Variants in CADM1 observed in about 807,000 individuals in gnomAD.
CADM1 encodes TSLC-1.
In CADM1, 15 loss-of-function variants were observed where a neutral mutation model predicts 53.1. The ratio of observed to expected loss-of-function variants is 0.28; its 90% CI spans 0.19 to 0.44. CADM1 has a LOEUF of 0.44. Ranked by LOEUF, CADM1 falls within the 20% of genes least tolerant of loss-of-function variation. The pLI is 1.00. For synonymous variants in CADM1, 281 were observed against 243.0 expected, an observed-to-expected ratio of 1.16 and a Z score of -1.45; for missense variants, 434 against 611.3, an observed-to-expected ratio of 0.71 and a Z score of 3.06.
At chr11:115,178,986 A>G in intron 10 of CADM1, 1 of 604,928 alleles carries the variant, frequency 1.7e-6, no homozygotes. Context: ...ATTTCATGAT[A>G]AGCAGCATAG....
chr11:115,417,376 C>T (rs1272940340), intron 1 of CADM1, among the ~76,000 whole-genome samples: 1 of 152,230 alleles, frequency 6.6e-6, no homozygotes, highest in African/African-American at 2.4e-5. Flanking sequence ...TCCTTATCCT[C>T]AGTGGATAAC....
intron 1 of CADM1, among the ~76,000 whole-genome samples, chr11:115,267,928 G>C (rs1943190587): frequency 6.6e-6 from 1 of 152,070 alleles, no homozygotes; most frequent in Non-Finnish European, 1.5e-5. Context: ...GAATGAAAGT[G>C]AGTAAATAGG....
Position 115,322,660 on chromosome 11 carries a change from T to C in CADM1, c.125-82240A>G, listed in dbSNP as rs563699739. ...TGGAGATTTCACATAAATGAAATCA[T>C]AAAATATGTGGCCTTTGGGCTTCTT... On this transcript the variant is annotated intron_variant, in intron 1 of 11. Transcript: ENST00000331581. 2.6e-5 allele frequency among the ~76,000 whole-genome samples: 4 copies of C among 152,328 alleles called. No homozygotes were observed. The South Asian group carries it at 8.3e-4, about 32-fold the overall frequency.
At chr11:115,441,469 C>CA (rs1472924240) in intron 1 of CADM1, among the ~76,000 whole-genome samples, 1 of 152,130 alleles carries the variant, frequency 6.6e-6, no homozygotes, top group African/African-American at 2.4e-5. Flanking sequence ...TGTGGAACTG[C>CA]AAAAACACTG....
rs1944030802 is a variant in CADM1, at chr11:115,295,509, TATATATATATA to T, written c.125-55100_125-55090del. 8.3e-3 allele frequency among the ~76,000 whole-genome samples: 231 copies of T among 27,926 alleles called. 9 individuals carry two copies. The highest frequency in any genetic ancestry group is 0.034 in the African/African-American group (169 of 4,946). The allele number at this position is 27,926 out of a possible 152,430, so 18.3% of individuals were successfully genotyped here. A position where few individuals can be genotyped will look rare whatever the true frequency, so the allele number is the denominator to read the frequency against. On this transcript the variant is annotated intron_variant, in intron 1 of 11. Coordinates refer to ENST00000331581, the MANE Select transcript of CADM1 (RefSeq NM_001301043.2). ...TATATGCTTTGATCAAGATATTTTA[TATATATATATA>T]TATATATATATATATATATATATAT...
chr11:115,496,726 C>A (rs987864739), intron 1 of CADM1, among the ~76,000 whole-genome samples: 1 of 152,058 alleles, frequency 6.6e-6, no homozygotes, highest in Non-Finnish European at 1.5e-5. Context: ...TTGGAGAGGG[C>A]ACTGATGTTT....
At chr11:115,417,928 G>A (rs1358954761) in intron 1 of CADM1, among the ~76,000 whole-genome samples, 1 of 152,088 alleles carries the variant, frequency 6.6e-6, no homozygotes, top group Non-Finnish European at 1.5e-5. Flanking sequence ...TAGTGAAGAT[G>A]CATTTATCCT....
intron 6 of CADM1, among the ~76,000 whole-genome samples, chr11:115,216,104 T>G (rs1358277261): frequency 2.6e-5 from 4 of 152,188 alleles, no homozygotes; most frequent in Non-Finnish European, 5.9e-5. Flanking sequence ...GCTGAAACAA[T>G]CAGTAGGGGT....
At chr11:115,418,462 G>A (rs1947666023) in intron 1 of CADM1, among the ~76,000 whole-genome samples, 1 of 152,042 alleles carries the variant, frequency 6.6e-6, no homozygotes, top group Non-Finnish European at 1.5e-5. Context: ...AATTCTATTA[G>A]CCTCAGGAAA....
At chr11:115,250,919 G>A (rs1942583766) in intron 1 of CADM1, among the ~76,000 whole-genome samples, 1 of 152,192 alleles carries the variant, frequency 6.6e-6, no homozygotes, top group African/African-American at 2.4e-5. Context: ...TAATAAGGTA[G>A]CTGAAAGGAC....
chr11:115,316,845 G>A (rs1283934774), intron 1 of CADM1, among the ~76,000 whole-genome samples: 4 of 152,154 alleles, frequency 2.6e-5, no homozygotes, highest in Non-Finnish European at 4.4e-5. Flanking sequence ...TATATAGCAA[G>A]ATAAAGTGAG....
intron 1 of CADM1, among the ~76,000 whole-genome samples, chr11:115,269,675 G>A (rs1228164575): frequency 1.3e-5 from 2 of 152,064 alleles, no homozygotes; most frequent in Non-Finnish European, 2.9e-5. Context: ...CAGAAGCCAG[G>A]AAATTCAGAT....
At chr11:115,234,785 C>T (rs1941951598) in intron 3 of CADM1, among the ~76,000 whole-genome samples, 1 of 149,392 alleles carries the variant, frequency 6.7e-6, no homozygotes, top group Non-Finnish European at 1.5e-5. Context: ...TCCAGCTACT[C>T]AGCAGGCTGA....
intron 1 of CADM1, among the ~76,000 whole-genome samples, chr11:115,294,061 G>C (rs1943981350): frequency 6.6e-6 from 1 of 152,174 alleles, no homozygotes; most frequent in Admixed American, 6.5e-5. Flanking sequence ...GTTCAGTTTG[G>C]AGTATTAGGT....
At position 115,289,563 on chromosome 11, in the gene CADM1, C is replaced by T. The variant is rs1051650301; in HGVS notation, c.125-49143G>A. 2.0e-5 allele frequency among the ~76,000 whole-genome samples: 3 copies of T among 149,390 alleles called. No homozygotes were observed. In the Admixed American group the frequency reaches 2.0e-4, roughly 10 times the overall value. ...GGGAGCACTTGAAGTGTGGCTACAG[C>T]GACTAAGGAACTGAATTTTCTTTTT... On this transcript the variant is annotated intron_variant, in intron 1 of 11. Coordinates refer to ENST00000331581, the MANE Select transcript of CADM1 (RefSeq NM_001301043.2).
chr11:115,186,586 C>T (rs1338655397), intron 10 of CADM1, among the ~76,000 whole-genome samples: 2 of 152,218 alleles, frequency 1.3e-5, no homozygotes, highest in Admixed American at 6.5e-5. Context: ...TCGCTTCTCA[C>T]TGTCTCCTAA....
At chr11:115,442,797 C>G (rs1354208520) in intron 1 of CADM1, among the ~76,000 whole-genome samples, 7 of 152,300 alleles carry the variant, frequency 4.6e-5, no homozygotes, top group African/African-American at 1.7e-4. Flanking sequence ...CAGGAGACTA[C>G]AGTCATTAAT....
chr11:115,383,529 G>A (rs558597629), intron 1 of CADM1, among the ~76,000 whole-genome samples: 36 of 152,272 alleles, frequency 2.4e-4, no homozygotes, highest in South Asian at 1.2e-3. Context: ...TCCAAGTGTC[G>A]CTACAGCATC....
At position 115,172,085 on chromosome 11, in the gene CADM1, G is replaced by GA. The variant is rs2134553364; in HGVS notation, c.*4388dup. ...TCCTAACAACCTTCGAGGCTATGGT[G>GA]ATGTCCACCTTGCAGAGCAAGAGAC... On this transcript the variant is annotated 3_prime_UTR_variant, in exon 12 of 12. Coordinates refer to ENST00000331581, the MANE Select transcript of CADM1 (RefSeq NM_001301043.2). 1 of 152,418 alleles carries GA rather than the reference G, an allele frequency of 6.6e-6. No individual in the cohort carries two copies. Among genetic ancestry groups the GA allele is most frequent in the East Asian group, 1.9e-4 (1 of 5,182 alleles). 9.4% of individuals were successfully genotyped at this position (152,418 alleles called of 1,614,324 possible). A position where few individuals can be genotyped will look rare whatever the true frequency, so the allele number is the denominator to read the frequency against.
Sources: allele counts gnomAD v4.1 joint callset (sites outside exome capture counted in the v4.1 genomes callset), GRCh38; gene constraint gnomAD v4.1.1; transcripts MANE v1.5; gene names NCBI Gene and HGNC (gene_info 2026-07-23, HGNC 2026-07-21).